The following BMX variants were observed in gnomAD, a reference collection of about 807,000 sequenced individuals.
BMX encodes BMX non-receptor tyrosine kinase, also known as cytoplasmic tyrosine-protein kinase BMX.
In BMX, 31 loss-of-function variants were observed where a neutral mutation model predicts 59.2. The observed-to-expected ratio is 0.52, with a 90% CI of 0.39 to 0.71. The LOEUF is 0.71. BMX is among the 30% of genes least tolerant of loss of function. The pLI, the probability that BMX is intolerant of heterozygous loss-of-function variation, is 0.00. For synonymous variants in BMX, 185 were observed against 181.0 expected (o/e 1.02, Z -0.18); for missense variants, 474 against 491.7 (o/e 0.96, Z 0.34).
rs1926117478 is a variant in BMX at position 15,550,016 on chromosome X, T to C, written c.1953+19T>C. The C allele has an allele frequency of 8.4e-7, 1 of 1,189,969 alleles. No homozygotes were observed. ...GCACGAGGCAAGTGTATTCTCTGGG[T>C]GGGCTGGAAGGGGTCTCAGGCACAT... is the stretch of plus-strand genomic sequence containing the variant. On this transcript the variant is annotated intron_variant, in intron 18 of 18. Coordinates refer to ENST00000348343, the MANE Select transcript of BMX (RefSeq NM_203281.3).
intron 1 of BMX, among the ~76,000 whole-genome samples, chrX:15,501,711 G>A (rs771714621): frequency 5.4e-5 from 6 of 111,754 alleles, no homozygotes; most frequent in Admixed American, 1.9e-4. Flanking sequence ...GCAAGTGCAC[G>A]GACCACACTT....
At chrX:15,506,607 C>T (rs958097037) in intron 1 of BMX, among the ~76,000 whole-genome samples, 6 of 112,158 alleles carry the variant, frequency 5.3e-5, no homozygotes, top group African/African-American at 1.3e-4. Flanking sequence ...AATTCTCTTC[C>T]GGCCACAGAC....
chrX:15,507,221 C>A, intron 1 of BMX: 1 of 459,798 alleles, frequency 2.2e-6, no homozygotes, highest in Non-Finnish European at 2.7e-6. Flanking sequence ...GCAGACAGAG[C>A]AATGCCTGTG....
intron 9 of BMX, among the ~76,000 whole-genome samples, chrX:15,528,937 A>G (rs933669763): frequency 8.9e-6 from 1 of 112,186 alleles, no homozygotes; most frequent in Admixed American, 9.4e-5. Flanking sequence ...AGCTAGTATT[A>G]CCTTAAAATG....
chrX:15,500,903 C>A lies in BMX; in HGVS notation c.-47C>A. On this transcript the variant is annotated 5_prime_UTR_variant, in exon 1 of 19. Coordinates refer to ENST00000348343, the MANE Select transcript of BMX (RefSeq NM_203281.3). ...GTTCCTGCAACAGCAGACCAAGCACCGCGGCGGACCCAGGCAAGCACGGAA... is the reference window on the plus strand; with the variant it reads ...GTTCCTGCAACAGCAGACCAAGCACAGCGGCGGACCCAGGCAAGCACGGAA... The A allele has an allele frequency of 4.0e-6, 3 of 754,046 alleles. No homozygotes were observed. Among genetic ancestry groups the A allele is most frequent in the South Asian group, 1.3e-4 (2 of 14,815 alleles). 62.1% of individuals were successfully genotyped at this position (754,046 alleles called of 1,213,427 possible).
chrX:15,536,804 T>A (rs1271385226), intron 13 of BMX, among the ~76,000 whole-genome samples: 4 of 110,976 alleles, frequency 3.6e-5, no homozygotes, highest in Non-Finnish European at 7.5e-5. Flanking sequence ...ATTAAAAAAA[T>A]CTGACAATGT....
intron 10 of BMX, 144 bp from the exon 11 acceptor site, chrX:15,531,182 TAA>T (rs1259886612): frequency 2.1e-6 from 1 of 479,671 alleles, no homozygotes; most frequent in Non-Finnish European, 3.6e-6. Flanking sequence ...AGCAGATCTA[TAA>T]AGAGATTGAG....
At chrX:15,532,707 G>A (rs1411764074) in intron 11 of BMX, among the ~76,000 whole-genome samples, 5 of 112,172 alleles carry the variant, frequency 4.5e-5, no homozygotes, top group African/African-American at 1.6e-4. Flanking sequence ...ATTTTATTTT[G>A]AAATTTTTTA....
chrX:15,532,734 A>T (rs73635818), intron 11 of BMX, among the ~76,000 whole-genome samples: 6,611 of 112,209 alleles, frequency 0.059, 472 homozygotes, highest in African/African-American at 0.2. Context: ...GCCTACCTAC[A>T]CTTGAGATAA....
chrX:15,511,978 C>T (rs762765695), intron 4 of BMX, among the ~76,000 whole-genome samples: 36 of 112,171 alleles, frequency 3.2e-4, no homozygotes, highest in Non-Finnish European at 6.2e-4. Context: ...TTAGGTAACC[C>T]TCTTGACAAC....
At chrX:15,527,283 T>TACAC (rs1215070031) in intron 9 of BMX, among the ~76,000 whole-genome samples, 21 of 65,850 alleles carry the variant, frequency 3.2e-4, no homozygotes, top group South Asian at 1.7e-3. Context: ...TATATATATA[T>TACAC]ACACACACAC....
intron 11 of BMX, among the ~76,000 whole-genome samples, chrX:15,532,328 T>A (rs1435549823): frequency 1.8e-5 from 2 of 111,009 alleles, no homozygotes; most frequent in Non-Finnish European, 3.8e-5. Flanking sequence ...TCTTTTTTTT[T>A]CCTTCTAATC....
At chrX:15,542,563 G>GA (rs111734465) in intron 15 of BMX, among the ~76,000 whole-genome samples, 1,202 of 100,570 alleles carry the variant, frequency 0.012, 5 homozygotes, top group Non-Finnish European at 0.016. Flanking sequence ...AACTGAACAT[G>GA]AAAAAAAAAA....
chrX:15,516,720 T>A (rs1373415333), intron 5 of BMX, among the ~76,000 whole-genome samples: 1 of 110,605 alleles, frequency 9.0e-6, no homozygotes, highest in East Asian at 2.8e-4. Flanking sequence ...CATCACCATG[T>A]ATACTAAAAT....
At chrX:15,522,213 TCCTC>T in intron 6 of BMX, 129 bp from the exon 7 acceptor site, 1 of 839,840 alleles carries the variant, frequency 1.2e-6, no homozygotes, top group Non-Finnish European at 1.7e-6. Flanking sequence ...CTTCCTCCCT[TCCTC>T]CCTCCCTTCC....
chrX:15,542,398 T>C (rs756051255), intron 15 of BMX, among the ~76,000 whole-genome samples, 200 bp downstream of exon 15: 1 of 111,550 alleles, frequency 9.0e-6, no homozygotes, highest in African/African-American at 3.3e-5. Context: ...GAGAATAAAA[T>C]AAGCTGTTAA....
At chrX:15,527,415 T>C (rs1251673311) in intron 9 of BMX, among the ~76,000 whole-genome samples, 1 of 108,474 alleles carries the variant, frequency 9.2e-6, no homozygotes. Context: ...CCAACTATAC[T>C]GAGAAGGTTG....
Position 15,536,466 on chromosome X carries a change from A to G in BMX, c.1222+39A>G, listed in dbSNP as rs1925350039. On this transcript the variant is annotated intron_variant, in intron 13 of 18. Transcript: ENST00000348343. The stretch of plus-strand genomic sequence containing the variant: ...CTTGGGTTCTTAAACTCCATTTTCC[A>G]TCATTTTTTATTTAAATATATGGTT... 10 of 1,078,607 alleles carry G rather than the reference A, an allele frequency of 9.3e-6. No individual in the cohort carries two copies. The East Asian group carries it at 2.2e-4, about 23-fold the overall frequency. The allele number at this position is 1,078,607 out of a possible 1,213,427, so 88.9% of individuals were successfully genotyped here. A position where few individuals can be genotyped will look rare whatever the true frequency, so the allele number is the denominator to read the frequency against.
At chrX:15,502,094 A>AT (rs763826250) in intron 1 of BMX, among the ~76,000 whole-genome samples, 1 of 111,551 alleles carries the variant, frequency 9.0e-6, no homozygotes, top group Non-Finnish European at 1.9e-5. Flanking sequence ...TTAGGCTGCC[A>AT]TTTTCTCTTG....
Sources: gnomAD v4.1 joint callset for allele counts (sites outside exome capture counted in the v4.1 genomes callset) on GRCh38, gnomAD v4.1.1 for gene constraint, MANE v1.5 for transcripts, NCBI Gene and HGNC (gene_info 2026-07-23, HGNC 2026-07-21) for gene names.